Variants in MATN2 observed in about 807,000 individuals in gnomAD.
MATN2 encodes matrilin 2.
Under a neutral mutation model 103.2 loss-of-function variants are expected in MATN2, and 69 were observed. That is an observed-to-expected ratio of 0.67 (90% CI 0.55 to 0.82). MATN2 has a LOEUF of 0.82. Ranked by LOEUF, MATN2 falls within the 40% of genes least tolerant of loss-of-function variation. The probability of loss-of-function intolerance (pLI) is 0.00; values close to 1 mark genes in which losing one functional copy is unlikely to be tolerated. For missense variants in MATN2, 1,023 were observed against 1,211.5 expected (o/e 0.84, Z 2.31); for synonymous variants, 429 against 450.2 (o/e 0.95, Z 0.60).
intron 1 of MATN2, among the ~76,000 whole-genome samples, chr8:97,876,078 G>A (rs1818059010): frequency 6.6e-6 from 1 of 151,944 alleles, no homozygotes; most frequent in East Asian, 1.9e-4. Context: ...GAGTGCAGTG[G>A]CATGATCCTA....
chr8:98,032,445 CAA>C (rs1814068500), intron 16 of MATN2, 128 bp downstream of exon 16: 1 of 685,336 alleles, frequency 1.5e-6, no homozygotes, highest in African/African-American at 1.8e-5. Context: ...TTTTTTCCCT[CAA>C]AAAGATAGTT....
intron 4 of MATN2, among the ~76,000 whole-genome samples, chr8:97,954,973 G>T (rs1313781710): frequency 3.3e-5 from 5 of 152,214 alleles, no homozygotes; most frequent in African/African-American, 1.2e-4. Context: ...ACTAAAGGAG[G>T]TATGAGAGTT....
chr8:97,969,223 C>T (rs1385780405), intron 5 of MATN2, among the ~76,000 whole-genome samples: 2 of 152,176 alleles, frequency 1.3e-5, no homozygotes, highest in East Asian at 1.9e-4. Flanking sequence ...GGGATCTGTC[C>T]CTGTGATCCA....
chr8:97,934,992 C>T (rs1810325958), intron 3 of MATN2, among the ~76,000 whole-genome samples: 1 of 152,098 alleles, frequency 6.6e-6, no homozygotes, highest in Admixed American at 6.5e-5. Context: ...CAAACTGTAC[C>T]CCAATAATAG....
At chr8:97,886,297 CA>C (rs1818426108) in intron 1 of MATN2, among the ~76,000 whole-genome samples, 1 of 152,080 alleles carries the variant, frequency 6.6e-6, no homozygotes, top group Non-Finnish European at 1.5e-5. Flanking sequence ...ATAAAGTGCA[CA>C]ATAAATGTAA....
Position 98,016,658 on chromosome 8 carries a change from C to A in MATN2, c.1692C>A (p.Cys564Ter), listed in dbSNP as rs999238328. 1 of 1,610,982 alleles carries A rather than the reference C, an allele frequency of 6.2e-7. No individual in the cohort carries two copies. Among genetic ancestry groups the A allele is most frequent in the Non-Finnish European group, 8.5e-7 (1 of 1,178,316 alleles). The part of the protein sequence containing the change: ...GYILREDGKT[C>*]RRKDVCQAID... ...TACTCCGTGAAGATGGAAAAACCTG[C>A]AGAAGTAAGTTTGTACTGGAGCTGG... The change falls in exon 11 of 19, where the codon TGC becomes TGA. Residue 564 changes from cysteine (C) to a stop codon, truncating the protein, a stop_gained. Coordinates refer to ENST00000254898, the MANE Select transcript of MATN2 (RefSeq NM_002380.5). LOFTEE classifies it high-confidence loss of function.
rs990147601 is a variant in MATN2 at position 97,884,756 on chromosome 8, G to A, written c.-26-3319G>A. Among the ~76,000 whole-genome samples the A allele has an allele frequency of 7.2e-5, 11 of 152,116 alleles. No homozygotes were observed. The East Asian group carries it at 7.8e-4, about 11-fold the overall frequency. On this transcript the variant is annotated intron_variant, in intron 1 of 18. Coordinates refer to ENST00000254898, the MANE Select transcript of MATN2 (RefSeq NM_002380.5). ...ACTGCACTCCTGCCTGGGCGACAGC[G>A]AGACTCTGTCTCCAAATAACAACAA...
intron 2 of MATN2, among the ~76,000 whole-genome samples, chr8:97,929,997 T>C (rs1810122169): frequency 6.6e-6 from 1 of 152,258 alleles, no homozygotes; most frequent in South Asian, 2.1e-4. Context: ...CAACTCCTAG[T>C]ATACCCTCTA....
At chr8:97,972,730 C>CA (rs1243844205) in intron 5 of MATN2, among the ~76,000 whole-genome samples, 1 of 152,196 alleles carries the variant, frequency 6.6e-6, no homozygotes, top group Non-Finnish European at 1.5e-5. Flanking sequence ...AGTGATTTCT[C>CA]ACATGTTGGG....
chr8:97,908,493 G>A (rs999429221), intron 2 of MATN2, among the ~76,000 whole-genome samples: 1 of 152,168 alleles, frequency 6.6e-6, no homozygotes, highest in South Asian at 2.1e-4. Context: ...TAAAACATCT[G>A]GTGGAGTAGC....
intron 3 of MATN2, among the ~76,000 whole-genome samples, chr8:97,937,396 G>T (rs12675146): frequency 0.1 from 15,324 of 152,100 alleles, 984 homozygotes; most frequent in Admixed American, 0.21. Flanking sequence ...TCCCTCACTT[G>T]TTCGAGGTAG....
chr8:98,011,186 T>C (rs151100523), intron 10 of MATN2, among the ~76,000 whole-genome samples: 3 of 152,150 alleles, frequency 2.0e-5, no homozygotes, highest in African/African-American at 7.2e-5. Context: ...TCTCTTCTTA[T>C]AAGAACACTA....
At chr8:97,962,754 T>A (rs188870425) in intron 5 of MATN2, among the ~76,000 whole-genome samples, 6 of 152,354 alleles carry the variant, frequency 3.9e-5, no homozygotes, top group Non-Finnish European at 2.9e-5. Context: ...TACCCGTTCA[T>A]AGAGAAACTT....
intron 4 of MATN2, among the ~76,000 whole-genome samples, chr8:97,953,948 C>G (rs1224206517): frequency 6.6e-6 from 1 of 151,962 alleles, no homozygotes; most frequent in Admixed American, 6.6e-5. Context: ...GGTGACAGAG[C>G]CAGACCTTGT....
intron 4 of MATN2, among the ~76,000 whole-genome samples, chr8:97,950,319 T>C (rs1263444803): frequency 6.6e-6 from 1 of 152,136 alleles, no homozygotes; most frequent in East Asian, 1.9e-4. Context: ...GCAATTTGAT[T>C]CTCAAGCTAA....
chr8:97,895,299 G>C (rs1818773301), intron 2 of MATN2, among the ~76,000 whole-genome samples: 1 of 152,208 alleles, frequency 6.6e-6, no homozygotes, highest in South Asian at 2.1e-4. Flanking sequence ...GCCATGAGAG[G>C]CTCTGGCTCT....
Position 97,931,193 on chromosome 8 carries a change from G to A in MATN2, c.383G>A (p.Arg128Gln), listed in dbSNP as rs765585821. ...GTGGAGCGTGCTGTCAAGAGGATGC[G>A]GCATCTGTCCACGGGCACCATGACT... ...SEVERAVKRMRHLSTGTMTGL... is the reference protein window; with the variant it reads ...SEVERAVKRMQHLSTGTMTGL... Residue 128 changes from arginine (R) to glutamine (Q), a missense_variant, in exon 3 of 19, where the codon CGG becomes CAG. Arg to Gln is a conservative substitution (Grantham distance 43). Transcript: ENST00000254898. The surrounding 1 kb of genome is among the most constrained non-coding windows in gnomAD (Gnocchi z 4.1). The A allele has an allele frequency of 1.9e-5, 30 of 1,612,986 alleles. 1 individual carries two copies. The highest frequency in any genetic ancestry group is 1.6e-4 in the Middle Eastern group (1 of 6,080).
At chr8:97,978,504 C>A (rs561568149) in intron 5 of MATN2, among the ~76,000 whole-genome samples, 22 of 152,192 alleles carry the variant, frequency 1.4e-4, no homozygotes, top group Non-Finnish European at 2.5e-4. Flanking sequence ...CCAAAAGGAT[C>A]TTTCTCAATT....
intron 10 of MATN2, among the ~76,000 whole-genome samples, chr8:98,015,865 C>T (rs1232360533): frequency 6.6e-6 from 1 of 152,200 alleles, no homozygotes; most frequent in Non-Finnish European, 1.5e-5. Flanking sequence ...ATTGCAGGGA[C>T]TCACAAAATA....
Sources: allele counts gnomAD v4.1 joint callset (sites outside exome capture counted in the v4.1 genomes callset), GRCh38; gene constraint gnomAD v4.1.1; non-coding constraint Gnocchi (gnomAD v3.1); transcripts MANE v1.5; gene names NCBI Gene and HGNC (gene_info 2026-07-23, HGNC 2026-07-21).